Variants in PDE7B observed in about 807,000 individuals in gnomAD.
PDE7B encodes the protein 3',5'-cyclic-AMP phosphodiesterase 7B.
PDE7B carries 29 observed loss-of-function variants against 56.2 expected under a neutral mutation model. The observed-to-expected ratio is 0.52, with a 90% CI of 0.38 to 0.70. The LOEUF (loss-of-function observed/expected upper bound fraction) is 0.70, where lower values mean the gene tolerates loss of function less well. PDE7B is among the 30% of genes least tolerant of loss of function. PDE7B has a pLI of 0.00. For missense variants in PDE7B, 490 were observed against 565.0 expected, an observed-to-expected ratio of 0.87 and a Z score of 1.35; for synonymous variants, 197 against 196.9, an observed-to-expected ratio of 1.00 and a Z score of 0.00.
intron 2 of PDE7B, among the ~76,000 whole-genome samples, chr6:136,060,318 T>C (rs1269605785): frequency 4.6e-5 from 7 of 152,290 alleles, no homozygotes; most frequent in African/African-American, 7.2e-5. Flanking sequence ...CCTCTCCTTG[T>C]ACTTTCTCTT....
At chr6:136,182,694 A>G (rs1005968070) in intron 11 of PDE7B, among the ~76,000 whole-genome samples, 1 of 152,194 alleles carries the variant, frequency 6.6e-6, no homozygotes, top group Admixed American at 6.5e-5. Flanking sequence ...TCACTTATGT[A>G]GATAGTAAGG....
intron 2 of PDE7B, among the ~76,000 whole-genome samples, chr6:136,046,583 C>A (rs569188555): frequency 6.6e-6 from 1 of 152,296 alleles, no homozygotes; most frequent in South Asian, 2.1e-4. Context: ...GAGGGAGAAG[C>A]AAATGTATGT....
chr6:136,082,629 T>G (rs1777224380), intron 2 of PDE7B, among the ~76,000 whole-genome samples: 1 of 152,182 alleles, frequency 6.6e-6, no homozygotes, highest in African/African-American at 2.4e-5. Context: ...TGAGTTTTCT[T>G]GTATGGGTCT....
At chr6:136,002,149 C>G (rs1206736113) in intron 2 of PDE7B, among the ~76,000 whole-genome samples, 1 of 152,090 alleles carries the variant, frequency 6.6e-6, no homozygotes, top group South Asian at 2.1e-4. Flanking sequence ...CAAGGAAATG[C>G]TGAGAGATTT....
chr6:135,963,025 G>T (rs965973101), intron 2 of PDE7B, among the ~76,000 whole-genome samples: 3 of 152,186 alleles, frequency 2.0e-5, no homozygotes, highest in Non-Finnish European at 4.4e-5. Context: ...TTGCAGTAGG[G>T]ATGGGTGAGA....
chr6:135,902,624 A>G (rs1776024929), intron 1 of PDE7B, among the ~76,000 whole-genome samples: 2 of 152,050 alleles, frequency 1.3e-5, no homozygotes, highest in South Asian at 4.1e-4. Flanking sequence ...AAATATATCT[A>G]CTTTTTCTTA....
At chr6:136,011,158 C>CA (rs1327067412) in intron 2 of PDE7B, among the ~76,000 whole-genome samples, 3 of 151,950 alleles carry the variant, frequency 2.0e-5, no homozygotes, top group Non-Finnish European at 2.9e-5. Context: ...TTCTCCCCAT[C>CA]AAAAAAACAA....
At chr6:136,142,851 A>G (rs1778351224) in intron 3 of PDE7B, among the ~76,000 whole-genome samples, 1 of 115,940 alleles carries the variant, frequency 8.6e-6, no homozygotes, top group African/African-American at 4.1e-5. Context: ...GTGTCTCTGC[A>G]CATGAATGGG....
intron 2 of PDE7B, among the ~76,000 whole-genome samples, chr6:135,989,315 AAAAT>A (rs1775433151): frequency 6.6e-6 from 1 of 152,122 alleles, no homozygotes; most frequent in Admixed American, 6.6e-5. Context: ...GTCCTCAATA[AAAAT>A]GTACGTTATC....
chr6:135,920,687 C>T (rs565285682), intron 1 of PDE7B, among the ~76,000 whole-genome samples: 15 of 152,308 alleles, frequency 9.8e-5, no homozygotes, highest in Admixed American at 7.8e-4. Flanking sequence ...ATGAAGTTCT[C>T]TTGGAATCTT....
chr6:136,163,038 T>A (rs1289245218), intron 8 of PDE7B, among the ~76,000 whole-genome samples: 2 of 152,112 alleles, frequency 1.3e-5, no homozygotes, highest in Admixed American at 6.5e-5. Context: ...AAGCTATAGG[T>A]GGATCTACCA....
At chr6:136,069,843 TAAAG>T (rs1185567842) in intron 2 of PDE7B, among the ~76,000 whole-genome samples, 1 of 152,050 alleles carries the variant, frequency 6.6e-6, no homozygotes, top group African/African-American at 2.4e-5. Context: ...ATGAAGTGCT[TAAAG>T]AATCAGTTTA....
intron 2 of PDE7B, chr6:136,064,710 T>C (rs1441484073): frequency 6.6e-6 from 1 of 152,218 alleles, no homozygotes; most frequent in African/African-American, 2.4e-5. Context: ...CCGTGGCCCA[T>C]AAAGCATGGT....
chr6:135,989,361 C>T (rs940053807), intron 2 of PDE7B, among the ~76,000 whole-genome samples: 1 of 152,146 alleles, frequency 6.6e-6, no homozygotes, highest in Non-Finnish European at 1.5e-5. Flanking sequence ...CGCCTGTAAT[C>T]CCAACACTTT....
At chr6:136,082,889 G>A (rs1777229797) in intron 2 of PDE7B, among the ~76,000 whole-genome samples, 1 of 152,100 alleles carries the variant, frequency 6.6e-6, no homozygotes, top group Non-Finnish European at 1.5e-5. Flanking sequence ...TGTGAGACGA[G>A]AAAAAAATAG....
At chr6:136,043,551 T>G (rs1169075912) in intron 2 of PDE7B, among the ~76,000 whole-genome samples, 1 of 144,320 alleles carries the variant, frequency 6.9e-6, no homozygotes, top group African/African-American at 2.6e-5. Flanking sequence ...TTAAGGTTGT[T>G]GTCGGGATTA....
intron 1 of PDE7B, among the ~76,000 whole-genome samples, chr6:135,922,662 T>C (rs1404766471): frequency 6.6e-6 from 1 of 152,178 alleles, no homozygotes; most frequent in Non-Finnish European, 1.5e-5. Flanking sequence ...AATGCTTTAC[T>C]GAGGCTGGAT....
At chr6:135,856,240 C>T (rs1775024363) in intron 1 of PDE7B, among the ~76,000 whole-genome samples, 1 of 152,138 alleles carries the variant, frequency 6.6e-6, no homozygotes, top group African/African-American at 2.4e-5. Context: ...GTCACCTCTC[C>T]TCGCTCCATT....
rs1053094968 is a variant in PDE7B at position 136,192,353 on chromosome 6, A to G, written c.*513A>G. On this transcript the variant is annotated 3_prime_UTR_variant, in exon 13 of 13. Coordinates refer to ENST00000308191, the MANE Select transcript of PDE7B (RefSeq NM_018945.4). ...ATAATAATATTATTATAAAAATAAT[A>G]AATCTTTTTAACTTTTATATTTTAT... 4 of 152,074 alleles carry G rather than the reference A, an allele frequency of 2.6e-5. No individual in the cohort carries two copies. The highest frequency in any genetic ancestry group is 9.7e-5 in the African/African-American group (4 of 41,442). The allele number at this position is 152,074 out of a possible 1,614,324, so 9.4% of individuals were successfully genotyped here.
Sources: allele counts gnomAD v4.1 joint callset (sites outside exome capture counted in the v4.1 genomes callset), GRCh38; gene constraint gnomAD v4.1.1; transcripts MANE v1.5; gene names NCBI Gene and HGNC (gene_info 2026-07-23, HGNC 2026-07-21).